The following RSPRY1 variants were observed in gnomAD, a reference collection of about 807,000 sequenced individuals.
RSPRY1 encodes ring finger and SPRY domain containing 1, also known as RING finger and SPRY domain-containing protein 1.
Under a neutral mutation model 73.1 loss-of-function variants are expected in RSPRY1, and 23 were observed. The observed-to-expected ratio is 0.31, with a 90% CI of 0.23 to 0.45. The LOEUF is 0.45. Ranked by LOEUF, RSPRY1 falls within the 20% of genes least tolerant of loss-of-function variation. The pLI, the probability that RSPRY1 is intolerant of heterozygous loss-of-function variation, is 1.00. For synonymous variants in RSPRY1, 226 were observed against 251.4 expected (o/e 0.90, Z 0.95); for missense variants, 448 against 698.7 (o/e 0.64, Z 4.05).
At chr16:57,205,426 G>A (rs1597878963) in intron 2 of RSPRY1, among the ~76,000 whole-genome samples, 1 of 152,248 alleles carries the variant, frequency 6.6e-6, no homozygotes, top group East Asian at 1.9e-4. Flanking sequence ...ACTTCTCTTG[G>A]CAACATAAGG....
chr16:57,233,991 A>G (rs2075264976), intron 13 of RSPRY1, among the ~76,000 whole-genome samples: 1 of 152,238 alleles, frequency 6.6e-6, no homozygotes, highest in Non-Finnish European at 1.5e-5. Context: ...TCTGCTCAAA[A>G]GATGCCAGTG....
chr16:57,209,760 A>G (rs1877079479), intron 4 of RSPRY1, among the ~76,000 whole-genome samples: 1 of 150,992 alleles, frequency 6.6e-6, no homozygotes, highest in Non-Finnish European at 1.5e-5. Context: ...TGCAGCTGCA[A>G]CCTCCCTAGG....
chr16:57,207,595 G>C (rs768241699), intron 2 of RSPRY1: 18 of 456,026 alleles, frequency 3.9e-5, no homozygotes, highest in South Asian at 2.6e-4. Flanking sequence ...ATTTCCAGAA[G>C]AAAACTTCAA....
At chr16:57,236,443 A>G (rs1258837877) in intron 14 of RSPRY1, among the ~76,000 whole-genome samples, 5 of 152,214 alleles carry the variant, frequency 3.3e-5, no homozygotes, top group Non-Finnish European at 4.4e-5. Flanking sequence ...TTGAGCAGCA[A>G]CAACAATTTT....
At chr16:57,200,604 G>T (rs2074556537) in intron 1 of RSPRY1, among the ~76,000 whole-genome samples, 1 of 148,260 alleles carries the variant, frequency 6.7e-6, no homozygotes, top group Admixed American at 6.7e-5. Context: ...TCCCAGTAGG[G>T]GCGGCCGGGC....
Position 57,237,671 on chromosome 16 carries a change from A to G in RSPRY1, c.1635-1208A>G, listed in dbSNP as rs143528824. On this transcript the variant is annotated intron_variant, in intron 14 of 14. Transcript: ENST00000394420. The stretch of plus-strand genomic sequence containing the variant: ...ACATATATTTCAGCCAAATGCTAGT[A>G]TCTCTTTATTTTTTTATTTTTATTT... Among the ~76,000 whole-genome samples the G allele has an allele frequency of 2.7e-3, 413 of 152,070 alleles. 2 individuals carry two copies. Among genetic ancestry groups the G allele is most frequent in the African/African-American group, 9.2e-3 (384 of 41,514 alleles).
chr16:57,226,175 C>G, intron 10 of RSPRY1, among the ~76,000 whole-genome samples: 1 of 152,200 alleles, frequency 6.6e-6, no homozygotes, highest in East Asian at 1.9e-4. Context: ...TATAACCTTT[C>G]TCTTATCTCC....
At position 57,212,054 on chromosome 16, in the gene RSPRY1, A is replaced by G. The variant is rs139945432; in HGVS notation, c.517-918A>G. 5.9e-4 allele frequency among the ~76,000 whole-genome samples: 90 copies of G among 152,306 alleles called. 1 individual carries two copies. The East Asian group carries it at 0.016, about 26-fold the overall frequency. Reference sequence around the variant, plus strand: ...GGGCAGGGTGCAGTGGTTCATGCCTATAATCCCAAAACTTTTGGGGGCTGA... The same window carrying G: ...GGGCAGGGTGCAGTGGTTCATGCCTGTAATCCCAAAACTTTTGGGGGCTGA... On this transcript the variant is annotated intron_variant, in intron 4 of 14. Transcript: ENST00000394420.
At chr16:57,234,200 C>T (rs2075268666) in intron 13 of RSPRY1, among the ~76,000 whole-genome samples, 2 of 152,190 alleles carry the variant, frequency 1.3e-5, no homozygotes, top group Admixed American at 6.5e-5. Flanking sequence ...CTTCAGGGCA[C>T]TTGCTGTTCC....
intron 1 of RSPRY1, among the ~76,000 whole-genome samples, chr16:57,190,788 A>C (rs2074339443): frequency 6.6e-6 from 1 of 152,206 alleles, no homozygotes; most frequent in Non-Finnish European, 1.5e-5. Context: ...GAGTAGAGAA[A>C]ACATACAAAT....
At chr16:57,238,614 G>A (rs1423372113) in intron 14 of RSPRY1, among the ~76,000 whole-genome samples, 2 of 152,172 alleles carry the variant, frequency 1.3e-5, no homozygotes, top group Non-Finnish European at 2.9e-5. Flanking sequence ...ACCTATAAGT[G>A]CACATCTGTA....
chr16:57,205,073 T>C (rs1464349360), intron 2 of RSPRY1, 65 bp downstream of exon 2: 6 of 1,240,102 alleles, frequency 4.8e-6, no homozygotes, highest in Admixed American at 4.3e-5. Context: ...ACCATGACTT[T>C]AGGACTCCTT....
At chr16:57,227,525 T>A in intron 11 of RSPRY1, 72 bp downstream of exon 11, 1 of 1,051,146 alleles carries the variant, frequency 9.5e-7, no homozygotes, top group Non-Finnish European at 1.5e-6. Flanking sequence ...ATTTATTACA[T>A]TAAGCCTTAA....
chr16:57,230,961 TA>T (rs1160688515), intron 12 of RSPRY1, 148 bp downstream of exon 12: 10 of 712,030 alleles, frequency 1.4e-5, no homozygotes, highest in Admixed American at 2.8e-5. Context: ...TGATCAGACC[TA>T]AAACTATCCC....
chr16:57,224,070 A>C (rs117753980), intron 10 of RSPRY1, among the ~76,000 whole-genome samples: 5,334 of 152,314 alleles, frequency 0.035, 103 homozygotes, highest in Middle Eastern at 0.1. Context: ...AATGATTTAG[A>C]AGCCTTTCCG....
chr16:57,216,178 G>T lies in RSPRY1; in HGVS notation c.769+5G>T. 1 of 1,600,344 alleles carries T rather than the reference G, an allele frequency of 6.2e-7. No individual in the cohort carries two copies. Among genetic ancestry groups the T allele is most frequent in the Non-Finnish European group, 8.6e-7 (1 of 1,167,956 alleles). On this transcript the variant is annotated splice_donor_5th_base_variant and intron_variant, in intron 7 of 14. Transcript: ENST00000394420. ...TGGAAAAGTTTGCACAGACAAGTAG[G>T]TATAGTGACTTCTTGCACTAATGAT...
chr16:57,218,280 C>T (rs1470023876), intron 8 of RSPRY1, among the ~76,000 whole-genome samples: 1 of 152,152 alleles, frequency 6.6e-6, no homozygotes, highest in Non-Finnish European at 1.5e-5. Context: ...TCCCCTCAAG[C>T]ATTTATCATT....
chr16:57,224,168 T>A (rs890926287), intron 10 of RSPRY1, among the ~76,000 whole-genome samples: 4 of 152,234 alleles, frequency 2.6e-5, no homozygotes, highest in Admixed American at 1.3e-4. Context: ...AGCCGGTGTT[T>A]TAGGGAAACG....
At chr16:57,214,314 A>G (rs1036379414) in intron 6 of RSPRY1, among the ~76,000 whole-genome samples, 1 of 152,184 alleles carries the variant, frequency 6.6e-6, no homozygotes, top group Non-Finnish European at 1.5e-5. Flanking sequence ...TCAGATTCCC[A>G]GTATATATAA....
Sources: gnomAD v4.1 joint callset for allele counts (sites outside exome capture counted in the v4.1 genomes callset) on GRCh38, gnomAD v4.1.1 for gene constraint, MANE v1.5 for transcripts, NCBI Gene and HGNC (gene_info 2026-07-23, HGNC 2026-07-21) for gene names.